The following CPNE7 variants were observed in gnomAD, a reference collection of about 807,000 sequenced individuals.
CPNE7 encodes copine 7.
A neutral mutation model predicts 66.5 loss-of-function variants in CPNE7; 78 were observed. The observed-to-expected ratio is 1.17, with a 90% confidence interval of 0.98 to 1.42. CPNE7 has a LOEUF of 1.42. Among genes scored for constraint, CPNE7 ranks in the 40% most tolerant of loss-of-function variants. The probability of loss-of-function intolerance (pLI) is 0.00; values close to 1 mark genes in which losing one functional copy is unlikely to be tolerated. For missense variants in CPNE7, 1,012 were observed against 776.6 expected (o/e 1.30, Z -3.60); for synonymous variants, 468 against 336.7 (o/e 1.39, Z -4.27).
chr16:89,595,544 C>G lies in CPNE7; in HGVS notation c.1480C>G (p.Arg494Gly). ...CGACGACGGCGTCCTGCGCTCCCCA[C>G]GGGGTGAGCCCGCGCTCCGGGACAT... The part of the protein sequence containing the change: ...DGDDGVLRSP[R>G]GEPALRDIVQ... The change falls in exon 14 of 15, where the codon CGG becomes GGG. Residue 494 changes from arginine (R) to glycine (G), a missense_variant. Coordinates refer to ENST00000319518, the MANE Select transcript of CPNE7 (RefSeq NM_153636.3). 6.2e-7 allele frequency: 1 copy of G among 1,612,278 alleles called. No homozygotes were observed. Among genetic ancestry groups the G allele is most frequent in the Non-Finnish European group, 8.5e-7 (1 of 1,179,594 alleles).
At chr16:89,579,113 A>C in intron 2 of CPNE7, 2 of 615,890 alleles carry the variant, frequency 3.2e-6, no homozygotes, top group Non-Finnish European at 5.1e-6. Flanking sequence ...ACATGATGAA[A>C]CCCCATCTCT....
intron 14 of CPNE7, 77 bp downstream of exon 14, chr16:89,595,680 C>G (rs566944267): frequency 2.1e-5 from 27 of 1,295,798 alleles, no homozygotes; most frequent in Admixed American, 1.6e-4. Context: ...CCTTCCCAGG[C>G]CAGGCTCACG....
In CPNE7 at chr16:89,575,936, CG is replaced by C; in HGVS notation, c.44del (p.Gly15ValfsTer112). 3.0e-6 allele frequency: 4 copies of C among 1,321,152 alleles called. No homozygotes were observed. Among genetic ancestry groups the C allele is most frequent in the Admixed American group, 3.7e-5 (1 of 26,928 alleles). The allele number at this position is 1,321,152 out of a possible 1,614,324, so 81.8% of individuals were successfully genotyped here. A position where few individuals can be genotyped will look rare whatever the true frequency, so the allele number is the denominator to read the frequency against. Reference sequence around the variant, plus strand: ...CGGAGCGCGGGGCGGCGGCAACCCCCGGGGGTTTGCCCGCGCCCTGCGCCTC... The same window carrying C: ...CGGAGCGCGGGGCGGCGGCAACCCCCGGGGTTTGCCCGCGCCCTGCGCCTC... ...GSERGAAATP[G>X]GLPAPCASKV... On this transcript the variant is annotated frameshift_variant, in exon 1 of 15. Coordinates refer to ENST00000319518, the MANE Select transcript of CPNE7 (RefSeq NM_153636.3). LOFTEE classifies it high-confidence loss of function.
At position 89,595,887 on chromosome 16, in the gene CPNE7, C is replaced by A. The variant is rs531315225; in HGVS notation, c.1539+284C>A. On this transcript the variant is annotated intron_variant, in intron 14 of 14. Transcript: ENST00000319518. ...ACCACGCGGCTTCCCCCGTTGCTGC[C>A]AACCTCTGCGACCCGGCGAGACACG... 1.2e-5 allele frequency: 7 copies of A among 597,986 alleles called. No homozygotes were observed. The African/African-American group carries it at 1.3e-4, about 11-fold the overall frequency. The allele number at this position is 597,986 out of a possible 1,614,324, so 37.0% of individuals were successfully genotyped here. A position where few individuals can be genotyped will look rare whatever the true frequency, so the allele number is the denominator to read the frequency against.
chr16:89,596,747 C>T lies in CPNE7; in HGVS notation c.*126C>T, dbSNP rs1365743720. On this transcript the variant is annotated 3_prime_UTR_variant, in exon 15 of 15. Coordinates refer to ENST00000319518, the MANE Select transcript of CPNE7 (RefSeq NM_153636.3). ...AGCCTCCAGTCCCCACCAGGCCCCA[C>T]TCCCAGTCCTCCTGGGATCCTGCTG... 31 of 1,170,964 alleles carry T rather than the reference C, an allele frequency of 2.6e-5. No homozygotes were observed. The highest frequency in any genetic ancestry group is 3.1e-5 in the Non-Finnish European group (28 of 893,638). 72.5% of individuals were successfully genotyped at this position (1,170,964 alleles called of 1,614,324 possible).
intron 9 of CPNE7, chr16:89,587,675 C>A: frequency 2.5e-6 from 1 of 406,508 alleles, no homozygotes. Flanking sequence ...CCGCAGACCC[C>A]GCGTCACCCA....
At position 89,588,814 on chromosome 16, in the gene CPNE7, C is replaced by T; in HGVS notation, c.1061+6C>T. On this transcript the variant is annotated splice_donor_region_variant and intron_variant, in intron 10 of 14. Transcript: ENST00000319518. ...ATCTGCCAGGACTATGACAGGTGCG[C>T]CCACCACCTTCCCCTCACCCCCTGG... is the stretch of plus-strand genomic sequence containing the variant. 3.1e-6 allele frequency: 5 copies of T among 1,612,922 alleles called. No individual in the cohort carries two copies. Among genetic ancestry groups the T allele is most frequent in the Non-Finnish European group, 3.4e-6 (4 of 1,179,752 alleles).
Position 89,596,504 on chromosome 16 carries a change from C to G in CPNE7, c.1560C>G (p.Ala520=). 1 of 1,609,388 alleles carries G rather than the reference C, an allele frequency of 6.2e-7. No individual in the cohort carries two copies. The highest frequency in any genetic ancestry group is 8.5e-7 in the Non-Finnish European group (1 of 1,179,492). Residue 520 remains alanine, a synonymous_variant, in exon 15 of 15, where the codon GCC becomes GCG. Transcript: ENST00000319518. ...ELKNASPAAL[A]KCVLAEVPKQ... The stretch of plus-strand genomic sequence containing the variant: ...TCCAGGCATCCCCTGCGGCGCTGGC[C>G]AAGTGCGTGCTGGCCGAGGTCCCGA...
chr16:89,578,862 C>G (rs748667922), intron 2 of CPNE7: 5 of 1,611,528 alleles, frequency 3.1e-6, no homozygotes, highest in African/African-American at 1.3e-5. Flanking sequence ...CACAGCCAGC[C>G]CAAAAGTGGC....
At position 89,596,783 on chromosome 16, in the gene CPNE7, G is replaced by A. The variant is rs1470536656; in HGVS notation, c.*162G>A. ...CCTGGGATCCTGCTGGCTTGGGCCC[G>A]GCTCTGGGGCCCCCAAGGCCGAAGG... On this transcript the variant is annotated 3_prime_UTR_variant, in exon 15 of 15. Coordinates refer to ENST00000319518, the MANE Select transcript of CPNE7 (RefSeq NM_153636.3). 3.0e-5 allele frequency: 29 copies of A among 977,516 alleles called. No homozygotes were observed. The highest frequency in any genetic ancestry group is 2.5e-4 in the Admixed American group (7 of 28,092). The allele number at this position is 977,516 out of a possible 1,614,324, so 60.6% of individuals were successfully genotyped here.
Position 89,581,684 on chromosome 16 carries a change from G to C in CPNE7, c.358-2013G>C, listed in dbSNP as rs186528621. ...TTTTGAGTTGGGTTCTCACTCTGCC[G>C]CCCAGGCTGGAGTGCAGTGGGACAG... On this transcript the variant is annotated intron_variant, in intron 2 of 14. Transcript: ENST00000319518. Among the ~76,000 whole-genome samples the C allele has an allele frequency of 2.2e-3, 334 of 152,174 alleles. 1 individual carries two copies. Among genetic ancestry groups the C allele is most frequent in the African/African-American group, 7.7e-3 (318 of 41,534 alleles).
intron 13 of CPNE7, 41 bp from the exon 14 acceptor site, chr16:89,595,326 T>C: frequency 6.6e-7 from 1 of 1,505,234 alleles, no homozygotes; most frequent in South Asian, 1.3e-5. Flanking sequence ...ATGTGGGCCA[T>C]GGCAGGTGTG....
intron 9 of CPNE7, 22 bp from the exon 10 acceptor site, chr16:89,588,653 C>T (rs1321627174): frequency 1.2e-6 from 2 of 1,612,508 alleles, no homozygotes; most frequent in East Asian, 2.2e-5. Flanking sequence ...CAGCACAGCT[C>T]CTGGCTCCCG....
intron 3 of CPNE7, 99 bp from the exon 4 acceptor site, chr16:89,583,929 C>T (rs949399309): frequency 3.3e-6 from 5 of 1,494,918 alleles, no homozygotes; most frequent in Non-Finnish European, 4.6e-6. Flanking sequence ...TCCTCTCAGG[C>T]CCCGCTGGGT....
At chr16:89,588,601 G>A (rs970594525) in intron 9 of CPNE7, 74 bp from the exon 10 acceptor site, 1 of 1,589,948 alleles carries the variant, frequency 6.3e-7, no homozygotes, top group Non-Finnish European at 8.6e-7. Context: ...CTCTGGGCGT[G>A]GTTTCTCTAC....
chr16:89,583,962 C>G, intron 3 of CPNE7, 66 bp from the exon 4 acceptor site: 1 of 1,574,838 alleles, frequency 6.3e-7, no homozygotes, highest in Non-Finnish European at 8.6e-7. Flanking sequence ...CCTGGGGCCT[C>G]TGGTCCCCCA....
At chr16:89,578,709 G>T in intron 2 of CPNE7, 1 of 1,198,908 alleles carries the variant, frequency 8.3e-7, no homozygotes. Context: ...GCAGTGAGTG[G>T]AGATCTCACC....
Position 89,584,163 on chromosome 16 carries a change from C to T in CPNE7, c.507+61C>T. ...GAGGTCCGGGAACCGGTTCGAAAAC[C>T]CGGTCCCTGCCCAGCGCTGACCTCG... On this transcript the variant is annotated intron_variant, in intron 4 of 14. Coordinates refer to ENST00000319518, the MANE Select transcript of CPNE7 (RefSeq NM_153636.3). The surrounding 1 kb of genome is among the most constrained non-coding windows in gnomAD (Gnocchi z 6.0). The T allele has an allele frequency of 6.5e-7, 1 of 1,540,554 alleles. No homozygotes were observed. The highest frequency in any genetic ancestry group is 8.9e-7 in the Non-Finnish European group (1 of 1,128,250).
At chr16:89,590,531 G>C (rs541301326) in intron 11 of CPNE7, among the ~76,000 whole-genome samples, 1 of 151,510 alleles carries the variant, frequency 6.6e-6, no homozygotes, top group African/African-American at 2.4e-5. Context: ...TTTTAAAAAA[G>C]AAAAAAGAAA....
Sources: gnomAD v4.1 joint callset for allele counts (sites outside exome capture counted in the v4.1 genomes callset) on GRCh38, gnomAD v4.1.1 for gene constraint, Gnocchi (gnomAD v3.1) non-coding constraint, MANE v1.5 for transcripts, NCBI Gene and HGNC (gene_info 2026-07-23, HGNC 2026-07-21) for gene names.